The following MAN2B1 variants were observed in gnomAD, a reference collection of about 807,000 sequenced individuals.
MAN2B1 encodes mannosidase alpha class 2B member 1.
A neutral mutation model predicts 127.5 loss-of-function variants in MAN2B1; 99 were observed. That is an observed-to-expected ratio of 0.78 (90% CI 0.66 to 0.92). The LOEUF is 0.92. MAN2B1 is among the 40% of genes least tolerant of loss of function. The pLI is 0.00. For missense variants in MAN2B1, 1,304 were observed against 1,384.8 expected, an observed-to-expected ratio of 0.94 and a Z score of 0.93; for synonymous variants, 573 against 568.8, an observed-to-expected ratio of 1.01 and a Z score of -0.11.
At chr19:12,663,497 C>A (rs1315490137) in intron 5 of MAN2B1, 35 bp from the exon 6 acceptor site, 6 of 1,610,542 alleles carry the variant, frequency 3.7e-6, no homozygotes, top group Non-Finnish European at 5.1e-6. Flanking sequence ...GGTGGCCCAT[C>A]ACCCAGACCT....
intron 16 of MAN2B1, among the ~76,000 whole-genome samples, chr19:12,650,454 G>C (rs1599342678): frequency 6.6e-6 from 1 of 151,104 alleles, no homozygotes; most frequent in African/African-American, 2.4e-5. Flanking sequence ...CGCCTCCCGG[G>C]TTCACACCAT....
rs1348247090 is a variant in MAN2B1, at chr19:12,647,483, G to T, written c.2780C>A (p.Ser927Tyr). The change falls in exon 22 of 24, where the codon TCC becomes TAC. Residue 927 changes from serine to tyrosine, a missense_variant. Physicochemically the swap from Ser to Tyr is moderately radical, Grantham distance 144 (BLOSUM62 -2). Transcript: ENST00000456935. The surrounding 1 kb of genome is among the most constrained non-coding windows in gnomAD (Gnocchi z 4.9). Reference protein sequence around the residue: ...LEHQFAVGEDSGRNLSAPVTL... With the variant: ...LEHQFAVGEDYGRNLSAPVTL... ...AACGGGGGCGCTCAGGTTACGTCCG[G>T]AATCCTCTCCTACGGCAAACTGGTG... The T allele has an allele frequency of 6.2e-7, 1 of 1,614,230 alleles. No individual in the cohort carries two copies.
Position 12,649,346 on chromosome 19 carries a change from T to G in MAN2B1, c.2350A>C (p.Ile784Leu). The G allele has an allele frequency of 6.2e-7, 1 of 1,613,496 alleles. No individual in the cohort carries two copies. The highest frequency in any genetic ancestry group is 8.5e-7 in the Non-Finnish European group (1 of 1,179,592). ...NYYPVNTRIY[I>L]TDGNMQLTVL... ...GCAGGATGGGGGAGAGCTACCGTGA[T>G]GTAAATCCGGGTGTTGACTGGATAG... The change falls in exon 19 of 24, where the codon ATC becomes CTC. Residue 784 changes from isoleucine to leucine, a missense_variant. Transcript: ENST00000456935.
intron 6 of MAN2B1, among the ~76,000 whole-genome samples, chr19:12,661,923 C>A (rs1408745253): frequency 6.6e-6 from 1 of 152,008 alleles, no homozygotes; most frequent in Non-Finnish European, 1.5e-5. Context: ...CGGCTCACTG[C>A]AACCTCCACC....
At chr19:12,665,247 C>T in intron 3 of MAN2B1, 105 bp downstream of exon 3, 1 of 1,394,496 alleles carries the variant, frequency 7.2e-7, no homozygotes. Flanking sequence ...GAGCGACACG[C>T]ATGTTATACA....
chr19:12,666,405 A>C (rs1367915576), intron 1 of MAN2B1, 138 bp downstream of exon 1: 2 of 967,544 alleles, frequency 2.1e-6, no homozygotes, highest in African/African-American at 3.2e-5. Flanking sequence ...GCAATGACAC[A>C]AAGCACGCAC....
At chr19:12,653,146 T>G (rs1262135585) in intron 14 of MAN2B1, among the ~76,000 whole-genome samples, 2 of 27,240 alleles carry the variant, frequency 7.3e-5, no homozygotes, top group Non-Finnish European at 1.3e-4. Context: ...GGTTTTTTGT[T>G]TTTTTTTTTT....
At chr19:12,656,174 C>A (rs1599348807) in intron 13 of MAN2B1, 9 of 438,308 alleles carry the variant, frequency 2.1e-5, no homozygotes, top group Middle Eastern at 1.3e-3. Context: ...TGGGGGAGGA[C>A]GTTTTCTGGA....
chr19:12,663,896 C>T, intron 4 of MAN2B1, 61 bp from the exon 5 acceptor site: 4 of 1,609,916 alleles, frequency 2.5e-6, no homozygotes, highest in Non-Finnish European at 3.4e-6. Context: ...CCACCAAACT[C>T]CCCTCTGCTT....
Position 12,649,389 on chromosome 19 carries a change from C to T in MAN2B1, c.2307G>A (p.Glu769=), listed in dbSNP as rs1287078598. ...YRPTWKLNQT[E]PVAGNYYPVN... The stretch of plus-strand genomic sequence containing the variant: ...CTGGATAGTAGTTTCCTGCCACGGG[C>T]TCCGTCTGGTTCAGTTTCCAGGTGG... The change falls in exon 19 of 24, where the codon GAG becomes GAA. Residue 769 remains glutamate, a synonymous_variant. Transcript: ENST00000456935. 3 of 1,612,344 alleles carry T rather than the reference C, an allele frequency of 1.9e-6. No individual in the cohort carries two copies. Among genetic ancestry groups the T allele is most frequent in the Non-Finnish European group, 2.5e-6 (3 of 1,179,456 alleles).
chr19:12,654,819 G>A (rs1156677035), intron 14 of MAN2B1, among the ~76,000 whole-genome samples: 2 of 151,940 alleles, frequency 1.3e-5, no homozygotes, highest in African/African-American at 2.4e-5. Context: ...GATTACAGAC[G>A]TGTACCACCA....
chr19:12,666,337 C>T (rs2024238203), intron 1 of MAN2B1, among the ~76,000 whole-genome samples: 1 of 152,134 alleles, frequency 6.6e-6, no homozygotes, highest in Non-Finnish European at 1.5e-5. Context: ...ATCCCGGAGA[C>T]ACGGAGGCAG....
chr19:12,666,479 C>T (rs2024245271), intron 1 of MAN2B1, 64 bp downstream of exon 1: 2 of 1,541,142 alleles, frequency 1.3e-6, no homozygotes, highest in Middle Eastern at 1.7e-4. Context: ...CCACCCACAC[C>T]TCTAGACTGT....
At position 12,663,706 on chromosome 19, in the gene MAN2B1, T is replaced by C. The variant is rs201109710; in HGVS notation, c.760A>G (p.Thr254Ala). 9.9e-6 allele frequency: 16 copies of C among 1,609,754 alleles called. No homozygotes were observed. The East Asian group carries it at 3.3e-4, about 34-fold the overall frequency. ...CTGCCCTCACCAAGCCCCCTACCAG[T>C]GAAGAGGTCCGCGGTCGGGGGCTTC... is the stretch of plus-strand genomic sequence containing the variant. ...SLKPPTADLF[T>A]GVLPNGYNPP... The change falls in exon 5 of 24, where the codon ACT becomes GCT. Residue 254 changes from threonine to alanine, a missense_variant. Physicochemically the swap from Thr to Ala is moderately conservative, Grantham distance 58. Coordinates refer to ENST00000456935, the MANE Select transcript of MAN2B1 (RefSeq NM_000528.4).
In MAN2B1 at chr19:12,646,567, T is replaced by C. The variant is rs1444252085; in HGVS notation, c.*53A>G. ...CAGCCCCAAGAGGAGAGTCAGAGTC[T>C]GGTCTGCCCCCGGAGCAGGAGGCTT... On this transcript the variant is annotated 3_prime_UTR_variant, in exon 24 of 24. Transcript: ENST00000456935. The C allele has an allele frequency of 3.0e-6, 4 of 1,344,066 alleles. No individual in the cohort carries two copies. Among genetic ancestry groups the C allele is most frequent in the Non-Finnish European group, 4.3e-6 (4 of 934,552 alleles). 83.3% of individuals were successfully genotyped at this position (1,344,066 alleles called of 1,614,324 possible).
chr19:12,666,476 C>A (rs1262072253), intron 1 of MAN2B1, 67 bp downstream of exon 1: 1 of 1,534,144 alleles, frequency 6.5e-7, no homozygotes, highest in Non-Finnish European at 8.8e-7. Context: ...GACCCACCCA[C>A]ACCTCTAGAC....
At chr19:12,652,540 T>TC in intron 14 of MAN2B1, 80 bp from the exon 15 acceptor site, 1 of 1,038,420 alleles carries the variant, frequency 9.6e-7, no homozygotes, top group Non-Finnish European at 1.4e-6. Flanking sequence ...TTTTTTCTTT[T>TC]TTTTTTTTTG....
Position 12,647,169 on chromosome 19 carries a change from TTGCCCCCACC to T in MAN2B1, c.2923+54_2923+63del. 6.9e-7 allele frequency: 1 copy of T among 1,441,774 alleles called. No individual in the cohort carries two copies. 89.3% of individuals were successfully genotyped at this position (1,441,774 alleles called of 1,614,324 possible). Reference sequence around the variant, plus strand: ...TGGCCAACATCCCATGCCTCACACATTGCCCCCACCTGCCGGCCCCAGGTAAGACTCCACC... The same window carrying T: ...TGGCCAACATCCCATGCCTCACACATTGCCGGCCCCAGGTAAGACTCCACC... On this transcript the variant is annotated intron_variant, in intron 23 of 23. Coordinates refer to ENST00000456935, the MANE Select transcript of MAN2B1 (RefSeq NM_000528.4). This position sits in a 1 kb window ranked among gnomAD's most constrained non-coding sequence, Gnocchi z 4.9.
intron 14 of MAN2B1, among the ~76,000 whole-genome samples, chr19:12,654,926 G>A (rs902682593): frequency 2.0e-5 from 3 of 152,014 alleles, no homozygotes; most frequent in Admixed American, 6.6e-5. Flanking sequence ...TCAGCCTCCC[G>A]TGGTGCTAGA....
Sources: allele counts gnomAD v4.1 joint callset (sites outside exome capture counted in the v4.1 genomes callset), GRCh38; gene constraint gnomAD v4.1.1; non-coding constraint Gnocchi (gnomAD v3.1); transcripts MANE v1.5; gene names NCBI Gene and HGNC (gene_info 2026-07-23, HGNC 2026-07-21).